The following PMM2 variants were observed in gnomAD, a reference collection of about 807,000 sequenced individuals.
PMM2 encodes mannose-6-phosphate isomerase.
In PMM2, 35 loss-of-function variants were observed where a neutral mutation model predicts 33.2. The observed-to-expected ratio is 1.06, with a 90% confidence interval of 0.81 to 1.40. The LOEUF is 1.40. Ranked by LOEUF, PMM2 falls within the 40% of genes most tolerant of loss-of-function variation. The pLI, the probability that PMM2 is intolerant of heterozygous loss-of-function variation, is 0.00. For synonymous variants in PMM2, 153 were observed against 114.7 expected, an observed-to-expected ratio of 1.33 and a Z score of -2.13; for missense variants, 386 against 306.0, an observed-to-expected ratio of 1.26 and a Z score of -1.95.
chr16:8,832,970 G>A (rs192426552), intron 7 of PMM2: 1 of 456,970 alleles, frequency 2.2e-6, no homozygotes, highest in East Asian at 2.2e-4. Flanking sequence ...GGTCTCCCCA[G>A]GGCAGCTGTG....
chr16:8,815,598 C>T (rs925689665), intron 7 of PMM2, among the ~76,000 whole-genome samples: 2 of 152,072 alleles, frequency 1.3e-5, no homozygotes, highest in African/African-American at 4.8e-5. Context: ...CGTATCTTGG[C>T]CATTATGAAT....
At chr16:8,802,296 C>T (rs957662422) in intron 2 of PMM2, 2 of 455,930 alleles carry the variant, frequency 4.4e-6, no homozygotes, top group African/African-American at 4.0e-5. Flanking sequence ...ACAGAATCTC[C>T]AGCACAGGAC....
chr16:8,801,164 T>A (rs2060614132), intron 1 of PMM2, among the ~76,000 whole-genome samples: 1 of 152,222 alleles, frequency 6.6e-6, no homozygotes, highest in South Asian at 2.1e-4. Flanking sequence ...ATTCCATTTA[T>A]GTTTCAAAAA....
At chr16:8,828,869 G>A (rs911210654) in intron 7 of PMM2, among the ~76,000 whole-genome samples, 8 of 152,230 alleles carry the variant, frequency 5.3e-5, no homozygotes, top group African/African-American at 1.2e-4. Flanking sequence ...CTAGAAAGGT[G>A]TGTCGTATTA....
intron 1 of PMM2, among the ~76,000 whole-genome samples, chr16:8,800,445 T>C (rs2060606643): frequency 6.6e-6 from 1 of 152,088 alleles, no homozygotes; most frequent in African/African-American, 2.4e-5. Context: ...TAAAAATACA[T>C]TGTGATGTGT....
In PMM2 at chr16:8,837,877, C is replaced by CGGCG. The variant is rs1370353888; in HGVS notation, c.640-9846_640-9843dup. Among the ~76,000 whole-genome samples the CGGCG allele has an allele frequency of 5.3e-5, 8 of 152,156 alleles. No homozygotes were observed. The East Asian group carries it at 1.5e-3, about 29-fold the overall frequency. Reference sequence around the variant, plus strand: ...GAAGGCTGCCTTCCCAGTCTCTGACCGGCGCCGGAGTTTTGAGTCCACAGA... The same window carrying CGGCG: ...GAAGGCTGCCTTCCCAGTCTCTGACCGGCGGGCGCCGGAGTTTTGAGTCCACAGA... On this transcript the variant is annotated intron_variant, in intron 7 of 7. Coordinates refer to ENST00000268261, the MANE Select transcript of PMM2 (RefSeq NM_000303.3).
chr16:8,808,461 GA>G (rs1453671153), intron 4 of PMM2: 1 of 152,066 alleles, frequency 6.6e-6, no homozygotes, highest in African/African-American at 2.4e-5. Flanking sequence ...CAGAACAGTA[GA>G]AGAGACCTGG....
intron 4 of PMM2, chr16:8,809,376 A>C (rs2060665148): frequency 6.6e-6 from 1 of 152,252 alleles, no homozygotes; most frequent in South Asian, 2.1e-4. Context: ...CATTGGTCAG[A>C]ATGATATCTA....
chr16:8,806,640 A>G (rs746123052), intron 4 of PMM2: 62 of 570,872 alleles, frequency 1.1e-4, no homozygotes, highest in African/African-American at 7.3e-4. Flanking sequence ...AGCAGGGTTC[A>G]GTAGCCACCA....
At chr16:8,842,202 C>T (rs955584915) in intron 7 of PMM2, 24 of 152,010 alleles carry the variant, frequency 1.6e-4, no homozygotes, top group Non-Finnish European at 3.2e-4. Context: ...AGGCAGAGCA[C>T]GTGTGTTTTT....
intron 7 of PMM2, among the ~76,000 whole-genome samples, chr16:8,835,880 A>T (rs575595624): frequency 3.9e-4 from 59 of 151,892 alleles, no homozygotes; most frequent in African/African-American, 1.4e-3. Context: ...AGGTTGGGGG[A>T]TACAAGAGGA....
chr16:8,834,095 AAGGAGCGTCTATAC>A (rs1370680899), intron 7 of PMM2, among the ~76,000 whole-genome samples: 1 of 152,224 alleles, frequency 6.6e-6, no homozygotes, highest in South Asian at 2.1e-4. Flanking sequence ...GCCTAATAAA[AAGGAGCGTCTATAC>A]AGGAGCTTAC....
At chr16:8,844,809 C>T (rs901066638) in intron 7 of PMM2, among the ~76,000 whole-genome samples, 13 of 152,064 alleles carry the variant, frequency 8.5e-5, no homozygotes, top group East Asian at 3.8e-4. Context: ...TGAAGTGTGG[C>T]GCCTAGATTG....
intron 4 of PMM2, among the ~76,000 whole-genome samples, chr16:8,807,337 G>A (rs2060653393): frequency 2.6e-5 from 4 of 152,070 alleles, no homozygotes; most frequent in Non-Finnish European, 5.9e-5. Flanking sequence ...CTGGATTTCT[G>A]GCTTCTGTTG....
rs1395957999 is a variant in PMM2, at chr16:8,828,023, C to G, written c.639+14917C>G. Among the ~76,000 whole-genome samples, 3 of 24,938 alleles carry G rather than the reference C, an allele frequency of 1.2e-4. No homozygotes were observed. In the East Asian group the frequency reaches 4.6e-3, roughly 38 times the overall value. 16.4% of individuals were successfully genotyped at this position (24,938 alleles called of 152,430 possible). The stretch of plus-strand genomic sequence containing the variant: ...AATTAAGCAGATTTTAACTGTAGAA[C>G]TCTTTTTTTTTTTTTTTTTTTTTAC... On this transcript the variant is annotated intron_variant, in intron 7 of 7. Transcript: ENST00000268261.
intron 7 of PMM2, among the ~76,000 whole-genome samples, chr16:8,826,460 C>T (rs2060768917): frequency 2.0e-5 from 3 of 152,176 alleles, no homozygotes; most frequent in Non-Finnish European, 4.4e-5. Context: ...AATCTAATGG[C>T]TCTAAAGTAG....
intron 7 of PMM2, among the ~76,000 whole-genome samples, chr16:8,837,604 G>C (rs1231681758): frequency 6.6e-6 from 1 of 151,800 alleles, no homozygotes; most frequent in Non-Finnish European, 1.5e-5. Flanking sequence ...AGAGATATAA[G>C]AGATTGGGGC....
chr16:8,821,536 A>G (rs578014871), intron 7 of PMM2, among the ~76,000 whole-genome samples: 1 of 152,298 alleles, frequency 6.6e-6, no homozygotes, highest in East Asian at 1.9e-4. Context: ...CTGGCCTTCC[A>G]GGGAGCCCCT....
intron 7 of PMM2, among the ~76,000 whole-genome samples, chr16:8,846,135 C>T (rs548824938): frequency 6.6e-6 from 1 of 152,180 alleles, no homozygotes; most frequent in Admixed American, 6.5e-5. Flanking sequence ...CCTAACCTGA[C>T]TCCACCCAGC....
Sources: gnomAD v4.1 joint callset for allele counts (sites outside exome capture counted in the v4.1 genomes callset) on GRCh38, gnomAD v4.1.1 for gene constraint, MANE v1.5 for transcripts, NCBI Gene and HGNC (gene_info 2026-07-23, HGNC 2026-07-21) for gene names.